The following SND1 variants were observed in gnomAD, a reference collection of about 807,000 sequenced individuals.
SND1 encodes staphylococcal nuclease domain-containing protein 1.
In SND1, 38 loss-of-function variants were observed where a neutral mutation model predicts 121.7. The observed-to-expected ratio is 0.31, with a 90% CI of 0.24 to 0.41. The LOEUF is 0.41. Ranked by LOEUF, SND1 falls within the 10% of genes least tolerant of loss-of-function variation. The probability of loss-of-function intolerance (pLI) is 1.00; values close to 1 mark genes in which losing one functional copy is unlikely to be tolerated. For missense variants in SND1, 868 were observed against 1,184.6 expected, an observed-to-expected ratio of 0.73 and a Z score of 3.92; for synonymous variants, 401 against 447.4, an observed-to-expected ratio of 0.90 and a Z score of 1.31.
intron 10 of SND1, among the ~76,000 whole-genome samples, chr7:127,737,324 C>T (rs1465425956): frequency 6.6e-6 from 1 of 152,194 alleles, no homozygotes; most frequent in Non-Finnish European, 1.5e-5. Flanking sequence ...CTTGTAATCC[C>T]AGCACTTTGG....
chr7:127,840,315 G>A (rs1485496111), intron 11 of SND1, among the ~76,000 whole-genome samples: 1 of 152,202 alleles, frequency 6.6e-6, no homozygotes, highest in African/African-American at 2.4e-5. Flanking sequence ...AAGGGAAACT[G>A]AGACCCAAAG....
intron 12 of SND1, chr7:127,858,363 C>T: frequency 5.2e-6 from 7 of 1,355,168 alleles, no homozygotes; most frequent in South Asian, 5.0e-5. Flanking sequence ...AGTGCCCTAG[C>T]CACTGTCTCT....
intron 15 of SND1, among the ~76,000 whole-genome samples, chr7:127,949,887 T>C (rs1206899061): frequency 2.6e-5 from 4 of 152,184 alleles, no homozygotes; most frequent in Non-Finnish European, 5.9e-5. Flanking sequence ...TGAGCCAGGC[T>C]TTATGCTGAA....
At chr7:127,882,761 T>G (rs1194819172) in intron 12 of SND1, among the ~76,000 whole-genome samples, 3 of 152,196 alleles carry the variant, frequency 2.0e-5, no homozygotes, top group Non-Finnish European at 2.9e-5. Context: ...ACTGAGTTGA[T>G]CAGTTGCCCA....
At chr7:127,997,556 A>G (rs1466257601) in intron 16 of SND1, 1 of 389,590 alleles carries the variant, frequency 2.6e-6, no homozygotes, top group Non-Finnish European at 5.2e-6. Flanking sequence ...ATGTATGTCT[A>G]TATTCCTATA....
rs756270210 is a variant in SND1 at position 127,721,317 on chromosome 7, G to C, written c.1069G>C (p.Val357Leu). ...GCAGGTTCTGAATGCTGATGCCATT[G>C]TTGTGAAGCTGAACTCAGGCGATTA... ...VMQVLNADAI[V>L]VKLNSGDYKT... The change falls in exon 10 of 24, where the codon GTT becomes CTT. Residue 357 changes from valine to leucine, a missense_variant. Coordinates refer to ENST00000354725, the MANE Select transcript of SND1 (RefSeq NM_014390.4). 3.7e-6 allele frequency: 6 copies of C among 1,613,754 alleles called. No individual in the cohort carries two copies. The highest frequency in any genetic ancestry group is 4.2e-6 in the Non-Finnish European group (5 of 1,179,818).
At position 127,869,296 on chromosome 7, in the gene SND1, G is replaced by T. The variant is rs556656652; in HGVS notation, c.1344-18606G>T. On this transcript the variant is annotated intron_variant, in intron 12 of 23. Coordinates refer to ENST00000354725, the MANE Select transcript of SND1 (RefSeq NM_014390.4). ...GGGTTGGAGCAGAGGGAGCAAAGGT[G>T]GAGGTGGTGGGAGATGGGGTTAGCG... is the stretch of plus-strand genomic sequence containing the variant. 2.0e-4 allele frequency among the ~76,000 whole-genome samples: 30 copies of T among 152,276 alleles called. No individual in the cohort carries two copies. The Middle Eastern group carries it at 0.01, about 52-fold the overall frequency.
At chr7:127,809,999 GA>G (rs1461183148) in intron 11 of SND1, among the ~76,000 whole-genome samples, 2 of 152,198 alleles carry the variant, frequency 1.3e-5, no homozygotes, top group Non-Finnish European at 2.9e-5. Context: ...AATATAGGAT[GA>G]TGGTAGTATT....
intron 16 of SND1, chr7:128,032,224 C>T (rs1792641292): frequency 6.7e-6 from 1 of 149,314 alleles, no homozygotes; most frequent in African/African-American, 2.4e-5. Context: ...CTTCCAGCGC[C>T]GCGCCGGCCG....
intron 10 of SND1, among the ~76,000 whole-genome samples, chr7:127,777,568 A>G (rs1027424322): frequency 6.6e-6 from 1 of 152,218 alleles, no homozygotes; most frequent in Non-Finnish European, 1.5e-5. Flanking sequence ...GCACTATTAA[A>G]TATTACTGGA....
chr7:127,916,088 A>G (rs998775426), intron 14 of SND1, among the ~76,000 whole-genome samples: 1 of 151,866 alleles, frequency 6.6e-6, no homozygotes, highest in Non-Finnish European at 1.5e-5. Context: ...TTAGCTAGGT[A>G]TATATCTATT....
Position 128,045,773 on chromosome 7 carries a change from A to G in SND1, c.1780-28729A>G, listed in dbSNP as rs1019091973. Among the ~76,000 whole-genome samples, 7 of 152,044 alleles carry G rather than the reference A, an allele frequency of 4.6e-5. No homozygotes were observed. In the East Asian group the frequency reaches 9.7e-4, roughly 21 times the overall value. On this transcript the variant is annotated intron_variant, in intron 16 of 23. Coordinates refer to ENST00000354725, the MANE Select transcript of SND1 (RefSeq NM_014390.4). Reference sequence around the variant, plus strand: ...GCACCTTGGTTTTTTCCCTCTTTCTATGCTGCCATTCTCTCCCCATGACCA... The same window carrying G: ...GCACCTTGGTTTTTTCCCTCTTTCTGTGCTGCCATTCTCTCCCCATGACCA...
rs115282337 is a variant in SND1, at chr7:127,928,434, C to T, written c.1528-754C>T. Among the ~76,000 whole-genome samples the T allele has an allele frequency of 5.9e-3, 891 of 151,348 alleles. 15 individuals are homozygous for T. The highest frequency in any genetic ancestry group is 0.021 in the African/African-American group (849 of 41,184). Reference sequence around the variant, plus strand: ...CTGTGAGCTCTGAATCTTACATAACCTATTTAAAGATAAACTACTTTTGGC... The same window carrying T: ...CTGTGAGCTCTGAATCTTACATAACTTATTTAAAGATAAACTACTTTTGGC... On this transcript the variant is annotated intron_variant, in intron 14 of 23. Coordinates refer to ENST00000354725, the MANE Select transcript of SND1 (RefSeq NM_014390.4).
At chr7:127,857,873 G>A (rs530147760) in intron 12 of SND1, 18 of 1,317,044 alleles carry the variant, frequency 1.4e-5, no homozygotes, top group South Asian at 4.7e-5. Context: ...AAGTCAATGC[G>A]TTTGGAGTTG....
chr7:127,764,577 G>T (rs547370780), intron 10 of SND1, among the ~76,000 whole-genome samples: 1 of 152,316 alleles, frequency 6.6e-6, no homozygotes, highest in East Asian at 1.9e-4. Flanking sequence ...ACACCGATGT[G>T]GCAGGCTGTG....
At chr7:127,671,486 C>T (rs547551254) in intron 1 of SND1, among the ~76,000 whole-genome samples, 6 of 152,244 alleles carry the variant, frequency 3.9e-5, no homozygotes, top group Middle Eastern at 3.4e-3. Flanking sequence ...TCTATGCGCA[C>T]GCTCCTGGTT....
chr7:127,786,792 C>T (rs1379059296), intron 10 of SND1, among the ~76,000 whole-genome samples: 4 of 152,024 alleles, frequency 2.6e-5, no homozygotes, highest in Non-Finnish European at 4.4e-5. Context: ...TACAGGCGCG[C>T]GCCACCATGC....
intron 16 of SND1, among the ~76,000 whole-genome samples, chr7:128,019,972 A>G (rs1245199522): frequency 6.6e-6 from 1 of 152,172 alleles, no homozygotes; most frequent in Admixed American, 6.5e-5. Flanking sequence ...TGCTTCTCCA[A>G]GGGTCTGCAT....
chr7:127,767,366 A>G (rs1161134385), intron 10 of SND1, among the ~76,000 whole-genome samples: 1 of 152,168 alleles, frequency 6.6e-6, no homozygotes, highest in African/African-American at 2.4e-5. Context: ...TCAGTAGATC[A>G]CCACAGCTGC....
Sources: allele counts gnomAD v4.1 joint callset (sites outside exome capture counted in the v4.1 genomes callset), GRCh38; gene constraint gnomAD v4.1.1; transcripts MANE v1.5; gene names NCBI Gene and HGNC (gene_info 2026-07-23, HGNC 2026-07-21).